The following ADK variants were observed in gnomAD, a reference collection of about 807,000 sequenced individuals.
ADK encodes adenosine kinase.
ADK carries 24 observed loss-of-function variants against 44.7 expected under a neutral mutation model. The ratio of observed to expected loss-of-function variants is 0.54; its 90% CI spans 0.39 to 0.76. The LOEUF is 0.76. ADK is among the 30% of genes least tolerant of loss of function. The pLI is 0.00. For synonymous variants in ADK, 128 were observed against 142.6 expected (o/e 0.90, Z 0.73); for missense variants, 321 against 425.1 (o/e 0.76, Z 2.15).
intron 4 of ADK, among the ~76,000 whole-genome samples, chr10:74,353,562 CTTAAAG>C (rs1324305247): frequency 1.6e-5 from 2 of 122,332 alleles, no homozygotes; most frequent in Non-Finnish European, 1.7e-5. Flanking sequence ...TATCCCAGAA[CTTAAAG>C]TTAAAAAAAA....
rs35788249 is a variant in ADK, at chr10:74,295,758, TAA to T, written c.195-18900_195-18899del. 2.4e-4 allele frequency among the ~76,000 whole-genome samples: 36 copies of T among 150,920 alleles called. 1 individual carries two copies. In the South Asian group the frequency reaches 6.5e-3, roughly 27 times the overall value. ...AGTTTTCTTTGTAGGAATGTTCCAT[TAA>T]AAAAAAAATACTTAAAGGGCTTTTT... On this transcript the variant is annotated intron_variant, in intron 3 of 10. Coordinates refer to ENST00000539909, the MANE Select transcript of ADK (RefSeq NM_006721.4).
intron 2 of ADK, among the ~76,000 whole-genome samples, chr10:74,217,536 G>T (rs999011280): frequency 1.3e-5 from 2 of 152,344 alleles, no homozygotes; most frequent in African/African-American, 2.4e-5. Flanking sequence ...CCAGCACGCA[G>T]CTGGAGATCT....
intron 6 of ADK, among the ~76,000 whole-genome samples, chr10:74,415,335 C>A (rs373292150): frequency 6.6e-6 from 1 of 152,270 alleles, no homozygotes; most frequent in East Asian, 1.9e-4. Context: ...TTTACTAAAT[C>A]TCTTTAATAA....
At position 74,337,887 on chromosome 10, in the gene ADK, C is replaced by T. The variant is rs368829317; in HGVS notation, c.273+23142C>T. Among the ~76,000 whole-genome samples, 39 of 151,942 alleles carry T rather than the reference C, an allele frequency of 2.6e-4. 1 individual carries two copies. Among genetic ancestry groups the T allele is most frequent in the Middle Eastern group, 6.8e-3 (2 of 294 alleles). Reference sequence around the variant, plus strand: ...AAGTGATTGTCATGCCTCAGCCTCCCGAGTAACTGGGATTACAGGCACCTG... The same window carrying T: ...AAGTGATTGTCATGCCTCAGCCTCCTGAGTAACTGGGATTACAGGCACCTG... On this transcript the variant is annotated intron_variant, in intron 4 of 10. Coordinates refer to ENST00000539909, the MANE Select transcript of ADK (RefSeq NM_006721.4).
chr10:74,463,529 A>G (rs1846244252), intron 6 of ADK, among the ~76,000 whole-genome samples: 1 of 152,162 alleles, frequency 6.6e-6, no homozygotes, highest in South Asian at 2.1e-4. Context: ...TGGAGGTCAG[A>G]CAGTAATTTG....
At chr10:74,178,142 A>G (rs1006676907) in intron 1 of ADK, among the ~76,000 whole-genome samples, 1 of 151,956 alleles carries the variant, frequency 6.6e-6, no homozygotes, top group African/African-American at 2.4e-5. Context: ...GGGTTTCACC[A>G]TATTGGCCAG....
At chr10:74,252,592 T>C (rs1327469385) in intron 3 of ADK, among the ~76,000 whole-genome samples, 5 of 152,194 alleles carry the variant, frequency 3.3e-5, no homozygotes, top group Non-Finnish European at 7.4e-5. Flanking sequence ...ACAGATCTTA[T>C]ATATGTTAAA....
At chr10:74,215,017 A>AGTT (rs1401256720) in intron 2 of ADK, among the ~76,000 whole-genome samples, 1 of 152,040 alleles carries the variant, frequency 6.6e-6, no homozygotes, top group Non-Finnish European at 1.5e-5. Flanking sequence ...TTTTTCACTC[A>AGTT]GTTGTTCTCT....
chr10:74,317,567 A>G (rs1335565040), intron 4 of ADK, among the ~76,000 whole-genome samples: 1 of 151,224 alleles, frequency 6.6e-6, no homozygotes, highest in Non-Finnish European at 1.5e-5. Context: ...CTCTAGGAAA[A>G]AAAAAAAAAA....
At chr10:74,695,618 G>GT (rs1856161852) in intron 10 of ADK, among the ~76,000 whole-genome samples, 1 of 106,778 alleles carries the variant, frequency 9.4e-6, no homozygotes, top group African/African-American at 3.5e-5. Context: ...TGTATGTGTG[G>GT]GGTGTGTGTG....
At chr10:74,708,211 C>T (rs1856674873) in intron 10 of ADK, 110 bp from the exon 11 acceptor site, 1 of 1,196,638 alleles carries the variant, frequency 8.4e-7, no homozygotes, top group African/African-American at 1.5e-5. Flanking sequence ...CTCTTACTGT[C>T]AAGGCTGAAG....
At chr10:74,668,297 T>A (rs1329234172) in intron 9 of ADK, among the ~76,000 whole-genome samples, 1 of 149,158 alleles carries the variant, frequency 6.7e-6, no homozygotes, top group East Asian at 1.9e-4. Flanking sequence ...TCTGCTTACA[T>A]TTTTTTTTTG....
intron 4 of ADK, among the ~76,000 whole-genome samples, chr10:74,361,150 C>T (rs573677597): frequency 2.6e-5 from 4 of 152,198 alleles, no homozygotes; most frequent in Non-Finnish European, 2.9e-5. Context: ...ATGATCCACC[C>T]GCCTCGGCCT....
intron 10 of ADK, among the ~76,000 whole-genome samples, chr10:74,695,338 C>T (rs1856137573): frequency 6.6e-6 from 1 of 152,066 alleles, no homozygotes; most frequent in African/African-American, 2.4e-5. Flanking sequence ...CCCAGCATAT[C>T]TCTCCATTTA....
intron 6 of ADK, among the ~76,000 whole-genome samples, chr10:74,469,174 C>T (rs1229438036): frequency 6.6e-6 from 1 of 151,964 alleles, no homozygotes; most frequent in Non-Finnish European, 1.5e-5. Flanking sequence ...CCCATCCCTA[C>T]AAAAAATTAT....
intron 3 of ADK, among the ~76,000 whole-genome samples, chr10:74,249,101 G>A (rs1214210743): frequency 6.6e-6 from 1 of 152,094 alleles, no homozygotes; most frequent in African/African-American, 2.4e-5. Flanking sequence ...CTCTTCGGTT[G>A]TTGCTGGTTT....
chr10:74,176,983 T>A, intron 1 of ADK: 1 of 1,517,338 alleles, frequency 6.6e-7, no homozygotes, highest in Non-Finnish European at 9.0e-7. Flanking sequence ...GTCTGGAGCC[T>A]GCCTCCGCCT....
chr10:74,215,677 T>TC (rs1235424605), intron 2 of ADK, among the ~76,000 whole-genome samples: 1 of 150,738 alleles, frequency 6.6e-6, no homozygotes, highest in Non-Finnish European at 1.5e-5. Context: ...TTTTTTTTTT[T>TC]TTTTTTAAGA....
chr10:74,499,752 C>CT (rs1231216090), intron 6 of ADK, among the ~76,000 whole-genome samples: 2 of 152,060 alleles, frequency 1.3e-5, no homozygotes, highest in African/African-American at 2.4e-5. Context: ...GCATGTCTTA[C>CT]TTTTTGCTTT....
Sources: allele counts gnomAD v4.1 joint callset (sites outside exome capture counted in the v4.1 genomes callset), GRCh38; gene constraint gnomAD v4.1.1; transcripts MANE v1.5; gene names NCBI Gene and HGNC (gene_info 2026-07-23, HGNC 2026-07-21).